EXOSC10: variants seen among roughly 807,000 people sequenced by gnomAD.
EXOSC10 encodes exosome component 10.
EXOSC10 carries 94 observed loss-of-function variants against 126.6 expected under a neutral mutation model. The observed-to-expected ratio is 0.74, with a 90% CI of 0.63 to 0.88. The LOEUF (loss-of-function observed/expected upper bound fraction) is 0.88. EXOSC10 is among the 40% of genes least tolerant of loss of function. The pLI is 0.00. For synonymous variants in EXOSC10, 395 were observed against 400.8 expected (o/e 0.99, Z 0.17); for missense variants, 1,041 against 1,100.5 (o/e 0.95, Z 0.77).
In EXOSC10 at chr1:11,066,652, T is replaced by G. The variant is rs3189917; in HGVS notation, c.*66A>C. ...GAAGAATTTTAATGGTTTAAAAATA[T>G]GTATGTACAAAAGCAGCACCAGCAT... On this transcript the variant is annotated 3_prime_UTR_variant, in exon 25 of 25. Coordinates refer to ENST00000376936, the MANE Select transcript of EXOSC10 (RefSeq NM_001001998.3). 4 of 1,541,268 alleles carry G rather than the reference T, an allele frequency of 2.6e-6. No homozygotes were observed. The highest frequency in any genetic ancestry group is 2.7e-5 in the African/African-American group (2 of 73,548).
chr1:11,068,289 C>A (rs1466355688), intron 23 of EXOSC10, among the ~76,000 whole-genome samples: 1 of 152,212 alleles, frequency 6.6e-6, no homozygotes, highest in East Asian at 1.9e-4. Context: ...AGCAGCCCTG[C>A]CCCCGCGCCT....
At chr1:11,076,094 G>T (rs930974568) in intron 17 of EXOSC10, among the ~76,000 whole-genome samples, 70 of 152,018 alleles carry the variant, frequency 4.6e-4, no homozygotes, top group African/African-American at 1.7e-3. Context: ...GAACCTGGGA[G>T]GTGGAGGTTG....
chr1:11,091,202 C>T (rs747072130), intron 4 of EXOSC10, 23 bp from the exon 5 acceptor site: 7 of 1,587,932 alleles, frequency 4.4e-6, no homozygotes, highest in Non-Finnish European at 6.0e-6. Flanking sequence ...AATACAAATA[C>T]TTTATAACAC....
intron 20 of EXOSC10, 106 bp from the exon 21 acceptor site, chr1:11,071,079 T>C: frequency 1.1e-6 from 1 of 939,972 alleles, no homozygotes. Context: ...TTGTCACGGC[T>C]GATTCCTCCT....
At chr1:11,074,108 G>T in intron 18 of EXOSC10, 100 bp from the exon 19 acceptor site, 2 of 1,387,312 alleles carry the variant, frequency 1.4e-6, no homozygotes, top group Non-Finnish European at 1.0e-6. Flanking sequence ...CCTTGTCAGC[G>T]TCTTTGCCAG....
chr1:11,094,270 C>G (rs1262302399), intron 3 of EXOSC10, among the ~76,000 whole-genome samples: 1 of 151,144 alleles, frequency 6.6e-6, no homozygotes, highest in Non-Finnish European at 1.5e-5. Context: ...GAGCCACTGA[C>G]CCTGGCCAGA....
intron 4 of EXOSC10, 56 bp from the exon 5 acceptor site, chr1:11,091,235 G>C (rs577289893): frequency 1.9e-5 from 28 of 1,509,720 alleles, no homozygotes; most frequent in African/African-American, 1.8e-4. Flanking sequence ...AATTAGAAAA[G>C]TAAATTCCAA....
At chr1:11,097,331 T>C (rs1641164456) in intron 2 of EXOSC10, among the ~76,000 whole-genome samples, 2 of 151,054 alleles carry the variant, frequency 1.3e-5, no homozygotes, top group South Asian at 4.2e-4. Flanking sequence ...TGAGCCGAGA[T>C]TGAGCCAATG....
At chr1:11,071,104 C>A in intron 20 of EXOSC10, 131 bp from the exon 21 acceptor site, 2 of 732,652 alleles carry the variant, frequency 2.7e-6, no homozygotes, top group East Asian at 2.6e-5. Context: ...CTCAGGTCCC[C>A]GGTCCCCCAT....
rs1557690891 is a variant in EXOSC10 at position 11,069,260 on chromosome 1, G to GAGAGAGAGAGAGAGA, written c.2488+298_2488+299insTCTCTCTCTCTCTCT. ...GTGTGTGTGTGAGAGAGAGAGAGAGGGTTTATGGGCACAAGTTATAGTGAG... is the reference window on the plus strand; with the variant it reads ...GTGTGTGTGTGAGAGAGAGAGAGAGGAGAGAGAGAGAGAGAGTTTATGGGCACAAGTTATAGTGAG... On this transcript the variant is annotated intron_variant, in intron 22 of 24. Coordinates refer to ENST00000376936, the MANE Select transcript of EXOSC10 (RefSeq NM_001001998.3). 6.4e-4 allele frequency among the ~76,000 whole-genome samples: 76 copies of GAGAGAGAGAGAGAGA among 118,720 alleles called. 5 individuals are homozygous for GAGAGAGAGAGAGAGA. The highest frequency in any genetic ancestry group is 4.6e-3 in the Middle Eastern group (1 of 218). 77.9% of individuals were successfully genotyped at this position (118,720 alleles called of 152,430 possible).
intron 10 of EXOSC10, among the ~76,000 whole-genome samples, chr1:11,082,089 A>G (rs928013538): frequency 5.3e-5 from 8 of 151,754 alleles, no homozygotes; most frequent in Admixed American, 3.9e-4. Flanking sequence ...CAAAAAAAAA[A>G]AAAGAAAAAA....
In EXOSC10 at chr1:11,099,855, TC is replaced by T. The variant is rs1169376187; in HGVS notation, c.-25del. The T allele has an allele frequency of 1.3e-6, 2 of 1,577,516 alleles. No homozygotes were observed. The highest frequency in any genetic ancestry group is 1.7e-6 in the Non-Finnish European group (2 of 1,161,286). On this transcript the variant is annotated 5_prime_UTR_variant, in exon 1 of 25. Coordinates refer to ENST00000376936, the MANE Select transcript of EXOSC10 (RefSeq NM_001001998.3). ...ATTTTTTCAGCCTGCACGGCTCGTC[TC>T]GCGAGAGCTTGTCGGCCGAGGAGAC...
intron 17 of EXOSC10, 87 bp from the exon 18 acceptor site, chr1:11,074,413 A>ATT (rs368062216): frequency 0.039 from 28,045 of 728,386 alleles, 342 homozygotes; most frequent in East Asian, 0.11. Context: ...GTTAACAGTG[A>ATT]TTTTTTTTTT....
intron 10 of EXOSC10, among the ~76,000 whole-genome samples, chr1:11,082,000 T>C (rs373226149): frequency 1.3e-5 from 2 of 151,164 alleles, no homozygotes; most frequent in East Asian, 1.9e-4. Context: ...GAGAATTGCT[T>C]GAACCCGGGA....
At chr1:11,078,301 A>G (rs1339051605) in intron 14 of EXOSC10, among the ~76,000 whole-genome samples, 4 of 148,446 alleles carry the variant, frequency 2.7e-5, no homozygotes, top group African/African-American at 1.0e-4. Context: ...TCTGTCGCCC[A>G]GACTGGAGTG....
At chr1:11,072,679 A>T (rs181128579) in intron 19 of EXOSC10, 10 of 152,582 alleles carry the variant, frequency 6.6e-5, no homozygotes, top group African/African-American at 2.2e-4. Flanking sequence ...AAAAGAGGAG[A>T]GAAGGCAGAA....
chr1:11,069,519 C>T (rs367973268), intron 22 of EXOSC10, 40 bp downstream of exon 22: 78 of 1,596,734 alleles, frequency 4.9e-5, no homozygotes, highest in East Asian at 3.1e-4. Flanking sequence ...CCCTCTGACG[C>T]GCACAGATGT....
At chr1:11,068,346 C>A in intron 23 of EXOSC10, 1 of 588,264 alleles carries the variant, frequency 1.7e-6, no homozygotes, top group Non-Finnish European at 3.0e-6. Context: ...CACCAACACC[C>A]ACGAGGGGTG....
Position 11,068,720 on chromosome 1 carries a change from G to A in EXOSC10, c.2489-14C>T. The A allele has an allele frequency of 6.2e-7, 1 of 1,611,502 alleles. No individual in the cohort carries two copies. Among genetic ancestry groups the A allele is most frequent in the South Asian group, 1.1e-5 (1 of 91,024 alleles). ...ATTTGCTGTTTCCTGAAAGGTAAGA[G>A]ATGAGAGAGACCTGCGGTCAGGTCA... On this transcript the variant is annotated splice_polypyrimidine_tract_variant and intron_variant, in intron 22 of 24. Coordinates refer to ENST00000376936, the MANE Select transcript of EXOSC10 (RefSeq NM_001001998.3).
Sources: allele counts gnomAD v4.1 joint callset (sites outside exome capture counted in the v4.1 genomes callset), GRCh38; gene constraint gnomAD v4.1.1; transcripts MANE v1.5; gene names NCBI Gene and HGNC (gene_info 2026-07-23, HGNC 2026-07-21).